The following TSPEAR variants were observed in gnomAD, a reference collection of about 807,000 sequenced individuals.
TSPEAR encodes thrombospondin type laminin G domain and EAR repeats.
TSPEAR carries 69 observed loss-of-function variants against 71.6 expected under a neutral mutation model. The ratio of observed to expected loss-of-function variants is 0.96; its 90% CI spans 0.79 to 1.18. The LOEUF (loss-of-function observed/expected upper bound fraction) is 1.18, where lower values mean the gene tolerates loss of function less well. TSPEAR is among the 50% of genes most tolerant of loss of function. The pLI, the probability that TSPEAR is intolerant of heterozygous loss-of-function variation, is 0.00. For missense variants in TSPEAR, 971 were observed against 894.9 expected (o/e 1.09, Z -1.09); for synonymous variants, 402 against 387.2 (o/e 1.04, Z -0.45).
chr21:44,581,363 T>C (rs1395004938), intron 1 of TSPEAR, among the ~76,000 whole-genome samples: 4 of 152,244 alleles, frequency 2.6e-5, no homozygotes, highest in African/African-American at 9.6e-5. Context: ...CACACTTATA[T>C]GATAGTTTAG....
chr21:44,542,740 G>GT (rs1425856876), intron 2 of TSPEAR, among the ~76,000 whole-genome samples: 8 of 16,850 alleles, frequency 4.7e-4, no homozygotes, highest in South Asian at 4.9e-3. Flanking sequence ...AAAGAGACCT[G>GT]TTAAAAAAAA....
rs1416656615 is a variant in TSPEAR at position 44,642,659 on chromosome 21, C to T, written c.82+68774G>A. The stretch of plus-strand genomic sequence containing the variant: ...GAGATCGAGACCATCCTGGCTAACA[C>T]GGTGAAACCCCGTCTCTACTAAAAA... On this transcript the variant is annotated intron_variant, in intron 1 of 11. Transcript: ENST00000323084. The surrounding 1 kb of genome is among the most constrained non-coding windows in gnomAD (Gnocchi z 4.1). Among the ~76,000 whole-genome samples the T allele has an allele frequency of 2.6e-5, 4 of 152,042 alleles. No homozygotes were observed. Among genetic ancestry groups the T allele is most frequent in the Admixed American group, 6.6e-5 (1 of 15,266 alleles).
intron 9 of TSPEAR, among the ~76,000 whole-genome samples, chr21:44,511,905 A>T (rs2052392763): frequency 6.6e-6 from 1 of 152,238 alleles, no homozygotes; most frequent in African/African-American, 2.4e-5. Flanking sequence ...TGAGCCGGGC[A>T]TCACATCTCA....
At chr21:44,686,440 C>A in intron 1 of TSPEAR, 1 of 154,498 alleles carries the variant, frequency 6.5e-6, no homozygotes. Flanking sequence ...TGCCACCTGG[C>A]CACCCCCGCC....
At chr21:44,504,652 C>T in intron 11 of TSPEAR, 128 bp downstream of exon 11, 1 of 356,580 alleles carries the variant, frequency 2.8e-6, no homozygotes. Flanking sequence ...GGAAGCAAGT[C>T]TCTTGGAGGA....
intron 2 of TSPEAR, chr21:44,539,336 A>G (rs2053157710): frequency 6.2e-7 from 1 of 1,611,948 alleles, no homozygotes; most frequent in South Asian, 1.1e-5. Context: ...GGGGCGGCAG[A>G]GGAGGGACAC....
At chr21:44,581,167 T>C (rs911848152) in intron 1 of TSPEAR, among the ~76,000 whole-genome samples, 1 of 152,210 alleles carries the variant, frequency 6.6e-6, no homozygotes, top group Non-Finnish European at 1.5e-5. Context: ...TGCTTTATCC[T>C]TGTCTCTTCA....
At chr21:44,513,854 C>T (rs2052473069) in intron 9 of TSPEAR, among the ~76,000 whole-genome samples, 1 of 152,106 alleles carries the variant, frequency 6.6e-6, no homozygotes, top group Non-Finnish European at 1.5e-5. Context: ...GTTGGGGGGG[C>T]AGTGGCATCC....
chr21:44,517,382 G>C (rs2052609151), intron 9 of TSPEAR: 1 of 197,590 alleles, frequency 5.1e-6, no homozygotes, highest in Non-Finnish European at 1.0e-5. Context: ...ACCAGCACTA[G>C]CCAATGAGCT....
At chr21:44,557,729 C>T (rs1482457159) in intron 2 of TSPEAR, 2 of 380,648 alleles carry the variant, frequency 5.3e-6, no homozygotes, top group Non-Finnish European at 9.6e-6. Flanking sequence ...AGCTCCCACC[C>T]CACGCGGCAC....
chr21:44,632,668 T>C (rs1207709207), intron 1 of TSPEAR, among the ~76,000 whole-genome samples: 2 of 152,068 alleles, frequency 1.3e-5, no homozygotes, highest in African/African-American at 4.8e-5. Flanking sequence ...ACTCCATCTC[T>C]GCTAAAAATA....
In TSPEAR at chr21:44,533,845, G is replaced by A; in HGVS notation, c.382C>T (p.Leu128=). 6.2e-7 allele frequency: 1 copy of A among 1,612,546 alleles called. No homozygotes were observed. The highest frequency in any genetic ancestry group is 2.2e-5 in the East Asian group (1 of 44,796). The change falls in exon 3 of 12, where the codon CTG becomes TTG. Residue 128 remains leucine (L), a synonymous_variant. Transcript: ENST00000323084. ...TCCTCGCGAAGGAACAGGAAGTGCAGCTGGGCAGGTGACAACCGCAGGCCG... is the reference window on the plus strand; with the variant it reads ...TCCTCGCGAAGGAACAGGAAGTGCAACTGGGCAGGTGACAACCGCAGGCCG... ...LLGLRLSPAQ[L]HFLFLREDTA... is the part of the protein sequence containing the mutation.
chr21:44,553,469 A>G (rs587676161), intron 2 of TSPEAR, among the ~76,000 whole-genome samples: 1 of 152,382 alleles, frequency 6.6e-6, no homozygotes, highest in Non-Finnish European at 1.5e-5. Context: ...AATCAATTCA[A>G]TTTTAAGTCC....
At chr21:44,596,452 C>T (rs55653321) in intron 1 of TSPEAR, among the ~76,000 whole-genome samples, 3,550 of 152,344 alleles carry the variant, frequency 0.023, 123 homozygotes, top group African/African-American at 0.079. Flanking sequence ...GTCTGTCTCC[C>T]GCTGTCTGGA....
At chr21:44,526,264 C>T (rs782208922) in intron 7 of TSPEAR, among the ~76,000 whole-genome samples, 31 of 152,120 alleles carry the variant, frequency 2.0e-4, no homozygotes, top group Admixed American at 2.6e-4. Flanking sequence ...ATGAACATGG[C>T]GCAATGTGCC....
chr21:44,522,871 C>T (rs2052762970), intron 8 of TSPEAR, among the ~76,000 whole-genome samples: 1 of 152,272 alleles, frequency 6.6e-6, no homozygotes, highest in South Asian at 2.1e-4. Context: ...CTGCCATGGG[C>T]CTGGGCCCAC....
intron 1 of TSPEAR, among the ~76,000 whole-genome samples, chr21:44,573,562 A>G (rs1978292889): frequency 6.6e-6 from 1 of 152,184 alleles, no homozygotes. Context: ...TTGGGAAACA[A>G]AAACACAGCT....
intron 1 of TSPEAR, among the ~76,000 whole-genome samples, chr21:44,699,853 C>T (rs1209304758): frequency 2.6e-5 from 4 of 152,208 alleles, no homozygotes; most frequent in South Asian, 2.1e-4. Context: ...GCTGAGCTAG[C>T]GTCTTCCTCC....
chr21:44,530,519 C>T (rs1601371779), intron 4 of TSPEAR, among the ~76,000 whole-genome samples: 1 of 151,186 alleles, frequency 6.6e-6, no homozygotes, highest in South Asian at 2.1e-4. Flanking sequence ...CTCCACGCAT[C>T]CATCCATCCA....
Sources: gnomAD v4.1 joint callset for allele counts (sites outside exome capture counted in the v4.1 genomes callset) on GRCh38, gnomAD v4.1.1 for gene constraint, Gnocchi (gnomAD v3.1) non-coding constraint, MANE v1.5 for transcripts, NCBI Gene and HGNC (gene_info 2026-07-23, HGNC 2026-07-21) for gene names.